Variants in GALK2 observed in about 807,000 individuals in gnomAD.
GALK2 encodes the protein galactokinase 2.
A neutral mutation model predicts 52.4 loss-of-function variants in GALK2; 36 were observed. The ratio of observed to expected loss-of-function variants is 0.69; its 90% CI spans 0.53 to 0.91. The LOEUF is 0.91. Among genes scored for constraint, GALK2 ranks in the 40% least tolerant of loss-of-function variants. The pLI is 0.00. For synonymous variants in GALK2, 176 were observed against 199.1 expected, an observed-to-expected ratio of 0.88 and a Z score of 0.98; for missense variants, 579 against 559.1, an observed-to-expected ratio of 1.04 and a Z score of -0.36.
At chr15:49,171,832 C>T (rs112792041) in intron 1 of GALK2, among the ~76,000 whole-genome samples, 23 of 150,246 alleles carry the variant, frequency 1.5e-4, no homozygotes, top group African/African-American at 5.6e-4. Flanking sequence ...AGTATAGTGG[C>T]GCAGTCTCCG....
intron 2 of GALK2, among the ~76,000 whole-genome samples, chr15:49,203,129 C>T (rs557742730): frequency 2.6e-4 from 39 of 152,290 alleles, no homozygotes; most frequent in Admixed American, 3.3e-4. Flanking sequence ...GGGCTCACTG[C>T]AACCTCCACC....
At chr15:49,357,147 T>C (rs2043295256) in intron 3 of GALK2, among the ~76,000 whole-genome samples, 1 of 149,264 alleles carries the variant, frequency 6.7e-6, no homozygotes, top group African/African-American at 2.5e-5. Flanking sequence ...GATCCAAAAT[T>C]GACACCCTAA....
At chr15:49,155,909 C>G (rs892074673) in exon 1 of GALK2, 1 of 1,445,048 alleles carries the variant, frequency 6.9e-7, no homozygotes, top group South Asian at 1.2e-5. Flanking sequence ...GCAGTCTCCT[C>G]CCTTGCTTGG....
At chr15:49,318,875 T>C (rs2036640407) in intron 8 of GALK2, 1 of 438,872 alleles carries the variant, frequency 2.3e-6, no homozygotes, top group African/African-American at 2.1e-5. Flanking sequence ...CCTCCTTCTC[T>C]TTTCTGTTAA....
At chr15:49,206,341 G>GT (rs1326719525) in intron 2 of GALK2, among the ~76,000 whole-genome samples, 2 of 151,818 alleles carry the variant, frequency 1.3e-5, no homozygotes, top group African/African-American at 4.8e-5. Context: ...TTTTATAATT[G>GT]TTTTTTCTAA....
intron 5 of GALK2, among the ~76,000 whole-genome samples, chr15:49,280,063 A>G (rs1408513206): frequency 2.0e-5 from 3 of 152,134 alleles, no homozygotes; most frequent in Non-Finnish European, 2.9e-5. Flanking sequence ...AATATTTACT[A>G]TGTGTTCGGC....
chr15:49,273,966 A>G (rs893284080), intron 5 of GALK2, among the ~76,000 whole-genome samples: 5 of 152,144 alleles, frequency 3.3e-5, no homozygotes, highest in Admixed American at 6.5e-5. Context: ...TTTAGGGGAC[A>G]CCCAGGACTA....
rs530852757 is a variant in GALK2 at position 49,156,376 on chromosome 15, G to A, written c.20+360G>A. The A allele has an allele frequency of 1.7e-4, 71 of 411,008 alleles. 1 individual carries two copies. The highest frequency in any genetic ancestry group is 1.4e-3 in the South Asian group (63 of 45,878). The allele number at this position is 411,008 out of a possible 1,614,324, so 25.5% of individuals were successfully genotyped here. On this transcript the variant is annotated intron_variant, in intron 1 of 9. Coordinates refer to the GALK2 transcript ENST00000327171. ...ATCAGGAATTTCAAGAGAACCGAGCGGAAAGGGAAATCCGCAACATGAAGC... is the reference window on the plus strand; with the variant it reads ...ATCAGGAATTTCAAGAGAACCGAGCAGAAAGGGAAATCCGCAACATGAAGC...
chr15:49,279,724 A>G (rs1278538460), intron 5 of GALK2, among the ~76,000 whole-genome samples: 1 of 152,200 alleles, frequency 6.6e-6, no homozygotes, highest in African/African-American at 2.4e-5. Flanking sequence ...GGTCACAGTT[A>G]GTTGGGCACC....
intron 3 of GALK2, chr15:49,365,417 C>G: frequency 2.9e-6 from 3 of 1,020,546 alleles, no homozygotes; most frequent in Non-Finnish European, 3.1e-6. Context: ...AACTCTTCTA[C>G]AGTACGCAAG....
At chr15:49,207,805 C>G (rs2088432056) in intron 2 of GALK2, among the ~76,000 whole-genome samples, 1 of 152,188 alleles carries the variant, frequency 6.6e-6, no homozygotes, top group Admixed American at 6.5e-5. Context: ...GAGACGGAGT[C>G]TCGCTTTTGT....
intron 5 of GALK2, among the ~76,000 whole-genome samples, chr15:49,250,207 C>T (rs554394734): frequency 6.6e-6 from 1 of 152,170 alleles, no homozygotes; most frequent in East Asian, 1.9e-4. Flanking sequence ...GCATTTCTAA[C>T]AGTGGTCATG....
At chr15:49,261,014 T>G (rs1224917361) in intron 5 of GALK2, among the ~76,000 whole-genome samples, 1 of 151,966 alleles carries the variant, frequency 6.6e-6, no homozygotes, top group East Asian at 1.9e-4. Context: ...GCCTCCAGCT[T>G]TGTACTTTTG....
chr15:49,240,855 A>AG (rs5812477), intron 5 of GALK2, among the ~76,000 whole-genome samples: 138,179 of 152,166 alleles, frequency 0.91, 63,595 homozygotes, highest in Non-Finnish European at 0.98. Context: ...TTTTAGGAAG[A>AG]GGTAAGGTGA....
chr15:49,232,015 G>T (rs371744828), intron 3 of GALK2, among the ~76,000 whole-genome samples: 50 of 152,332 alleles, frequency 3.3e-4, no homozygotes, highest in African/African-American at 1.2e-3. Context: ...ACTAGGTAGT[G>T]CCCCAGTGGG....
At chr15:49,190,718 G>C (rs1364022560) in intron 1 of GALK2, among the ~76,000 whole-genome samples, 2 of 152,130 alleles carry the variant, frequency 1.3e-5, no homozygotes, top group Non-Finnish European at 2.9e-5. Context: ...GTTGATTCTT[G>C]GCCAATCCCA....
upstream of GALK2, among the ~76,000 whole-genome samples, chr15:49,165,354 G>A (rs544654996): frequency 6.6e-6 from 1 of 152,212 alleles, no homozygotes; most frequent in Admixed American, 6.5e-5. Context: ...TTTAGAAGAG[G>A]AATTTCAGAC....
chr15:49,345,953 G>C (rs112749765), intron 3 of GALK2, among the ~76,000 whole-genome samples: 1 of 152,050 alleles, frequency 6.6e-6, no homozygotes, highest in Non-Finnish European at 1.5e-5. Context: ...GGCAAATTTC[G>C]TACTTATCTG....
upstream of GALK2, among the ~76,000 whole-genome samples, chr15:49,168,782 T>G (rs889469816): frequency 6.6e-6 from 1 of 151,930 alleles, no homozygotes; most frequent in Non-Finnish European, 1.5e-5. Context: ...ATTTTACATT[T>G]TTTTTTAAAA....
Sources: gnomAD v4.1 joint callset for allele counts (sites outside exome capture counted in the v4.1 genomes callset) on GRCh38, gnomAD v4.1.1 for gene constraint, MANE v1.5 for transcripts, NCBI Gene and HGNC (gene_info 2026-07-23, HGNC 2026-07-21) for gene names.